The following WDR70 variants were observed in gnomAD, a reference collection of about 807,000 sequenced individuals.
WDR70 encodes WD repeat domain 70.
WDR70 carries 53 observed loss-of-function variants against 88.6 expected under a neutral mutation model. That is an observed-to-expected ratio of 0.60 (90% CI 0.48 to 0.75). WDR70 has a LOEUF of 0.75. WDR70 is among the 30% of genes least tolerant of loss of function. The pLI is 0.00. For synonymous variants in WDR70, 280 were observed against 270.0 expected (o/e 1.04, Z -0.36); for missense variants, 610 against 823.2 (o/e 0.74, Z 3.17).
chr5:37,720,841 C>T (rs1747788857), intron 13 of WDR70, among the ~76,000 whole-genome samples: 2 of 152,108 alleles, frequency 1.3e-5, no homozygotes, highest in African/African-American at 4.8e-5. Context: ...CCTGGGAAAC[C>T]TAATTTTGTG....
intron 7 of WDR70, among the ~76,000 whole-genome samples, chr5:37,449,614 A>AAAAAT (rs1738607337): frequency 4.1e-5 from 5 of 120,782 alleles, no homozygotes; most frequent in African/African-American, 1.5e-4. Context: ...TAAAAAATAA[A>AAAAAT]AAATAAATAA....
chr5:37,467,181 C>T (rs556505492), intron 7 of WDR70, among the ~76,000 whole-genome samples: 67 of 147,688 alleles, frequency 4.5e-4, no homozygotes, highest in South Asian at 2.0e-3. Flanking sequence ...GAGCCATGAT[C>T]GCACCACTGT....
intron 7 of WDR70, among the ~76,000 whole-genome samples, chr5:37,466,472 C>T (rs559668395): frequency 3.1e-3 from 472 of 151,972 alleles, no homozygotes; most frequent in African/African-American, 0.011. Flanking sequence ...TTTGGGAGGC[C>T]GAGGCGGGCA....
At chr5:37,382,874 G>A (rs1451524319) in intron 3 of WDR70, among the ~76,000 whole-genome samples, 3 of 152,020 alleles carry the variant, frequency 2.0e-5, no homozygotes, top group African/African-American at 7.2e-5. Context: ...CTATCTGGGT[G>A]TGGTGTTGGG....
At chr5:37,448,936 T>C (rs1738579740) in intron 7 of WDR70, among the ~76,000 whole-genome samples, 2 of 152,254 alleles carry the variant, frequency 1.3e-5, no homozygotes, top group Admixed American at 1.3e-4. Flanking sequence ...ATTGAGATTA[T>C]GAGTCCTTGG....
At chr5:37,698,685 G>C (rs1344781577) in intron 11 of WDR70, among the ~76,000 whole-genome samples, 1 of 152,138 alleles carries the variant, frequency 6.6e-6, no homozygotes, top group Admixed American at 6.5e-5. Context: ...TTTCCTGAAA[G>C]ACTTTACAAC....
chr5:37,559,211 C>T (rs149529596), intron 9 of WDR70, among the ~76,000 whole-genome samples: 2,029 of 152,230 alleles, frequency 0.013, 46 homozygotes, highest in African/African-American at 0.046. Flanking sequence ...GGATTACAGG[C>T]GTGAGCCACC....
intron 8 of WDR70, among the ~76,000 whole-genome samples, chr5:37,510,054 G>GGCCTGTTT (rs1261832635): frequency 5.4e-4 from 81 of 150,410 alleles, no homozygotes; most frequent in African/African-American, 1.9e-3. Flanking sequence ...AACAGAGTGA[G>GGCCTGTTT]ACCCTCATCT....
chr5:37,738,715 G>A (rs1397656638), intron 17 of WDR70, among the ~76,000 whole-genome samples: 1 of 152,138 alleles, frequency 6.6e-6, no homozygotes, highest in Non-Finnish European at 1.5e-5. Context: ...TTGAGTTTCT[G>A]TTATTTTTCT....
At chr5:37,726,803 T>C (rs749983660) in intron 16 of WDR70, 80 bp from the exon 17 acceptor site, 20 of 1,377,324 alleles carry the variant, frequency 1.5e-5, no homozygotes, top group Non-Finnish European at 3.8e-6. Context: ...TGTGCTCAGA[T>C]AAGTACAGTG....
chr5:37,502,476 T>A (rs1181131238), intron 8 of WDR70, among the ~76,000 whole-genome samples: 1 of 152,210 alleles, frequency 6.6e-6, no homozygotes, highest in African/African-American at 2.4e-5. Context: ...CCTAGTTTGT[T>A]GCTTGTTTTT....
intron 9 of WDR70, among the ~76,000 whole-genome samples, chr5:37,571,537 C>T (rs537157296): frequency 2.0e-5 from 3 of 152,216 alleles, no homozygotes; most frequent in South Asian, 2.1e-4. Flanking sequence ...AAGCCACTTC[C>T]TACTGAATAA....
At chr5:37,682,723 G>A (rs1282103855) in intron 10 of WDR70, among the ~76,000 whole-genome samples, 1 of 152,040 alleles carries the variant, frequency 6.6e-6, no homozygotes, top group Non-Finnish European at 1.5e-5. Flanking sequence ...CCATATAATT[G>A]TATGGCTTTT....
chr5:37,415,406 G>A (rs1386263912), intron 5 of WDR70, among the ~76,000 whole-genome samples: 5 of 100,680 alleles, frequency 5.0e-5, no homozygotes, highest in Non-Finnish European at 1.0e-4. Context: ...TGGCCGGGCG[G>A]GGGGCTGACC....
At chr5:37,728,201 A>T (rs1226766392) in intron 17 of WDR70, among the ~76,000 whole-genome samples, 2 of 151,942 alleles carry the variant, frequency 1.3e-5, no homozygotes. Context: ...CACAAAAATT[A>T]GCCAGGTGTG....
intron 10 of WDR70, among the ~76,000 whole-genome samples, chr5:37,663,812 G>A (rs143216325): frequency 8.7e-4 from 132 of 152,102 alleles, no homozygotes; most frequent in African/African-American, 3.0e-3. Context: ...TTCCACCTGC[G>A]TGCCTGATTA....
intron 7 of WDR70, among the ~76,000 whole-genome samples, chr5:37,474,772 C>G (rs915861607): frequency 7.2e-5 from 11 of 152,152 alleles, no homozygotes; most frequent in Admixed American, 2.0e-4. Context: ...GTTGTTCCCC[C>G]ACATGTGTCC....
chr5:37,724,428 G>A (rs1747910051), intron 15 of WDR70: 1 of 152,608 alleles, frequency 6.6e-6, no homozygotes, highest in African/African-American at 2.4e-5. Context: ...CCCAGTTTCA[G>A]TGGGATAAGT....
At chr5:37,410,194 T>G (rs78410900) in intron 5 of WDR70, among the ~76,000 whole-genome samples, 1 of 115,262 alleles carries the variant, frequency 8.7e-6, no homozygotes, top group South Asian at 2.4e-4. Context: ...AGTTTGTTAG[T>G]TTTTTTTTTT....
Sources: allele counts gnomAD v4.1 joint callset (sites outside exome capture counted in the v4.1 genomes callset), GRCh38; gene constraint gnomAD v4.1.1; transcripts MANE v1.5; gene names NCBI Gene and HGNC (gene_info 2026-07-23, HGNC 2026-07-21).